DPYSL2: variants seen among roughly 807,000 people sequenced by gnomAD.
DPYSL2 encodes the protein dihydropyrimidinase like 2.
A neutral mutation model predicts 69.9 loss-of-function variants in DPYSL2; 13 were observed. That is an observed-to-expected ratio of 0.19 (90% CI 0.12 to 0.30). DPYSL2 has a LOEUF of 0.30. Among genes scored for constraint, DPYSL2 ranks in the 10% least tolerant of loss-of-function variants. The pLI is 1.00. For synonymous variants in DPYSL2, 326 were observed against 359.1 expected (o/e 0.91, Z 1.04); for missense variants, 587 against 918.9 (o/e 0.64, Z 4.67).
At chr8:26,579,835 A>G (rs1047575769) in intron 1 of DPYSL2, among the ~76,000 whole-genome samples, 14 of 152,044 alleles carry the variant, frequency 9.2e-5, no homozygotes, top group African/African-American at 3.4e-4. Context: ...GCAAGCCTCA[A>G]ATAATTTGCT....
intron 3 of DPYSL2, among the ~76,000 whole-genome samples, chr8:26,613,497 A>G (rs928030705): frequency 2.6e-5 from 4 of 152,246 alleles, no homozygotes; most frequent in African/African-American, 7.2e-5. Context: ...CCTGGCAGGT[A>G]CAGTCACCAG....
Position 26,564,307 on chromosome 8 carries a change from G to T in DPYSL2, c.355-17662G>T, listed in dbSNP as rs1297611352. Among the ~76,000 whole-genome samples the T allele has an allele frequency of 6.6e-6, 1 of 152,186 alleles. No individual in the cohort carries two copies. Among genetic ancestry groups the T allele is most frequent in the African/African-American group, 2.4e-5 (1 of 41,442 alleles). Reference sequence around the variant, plus strand: ...GGAGTGTACGCTACCCATTCCTGAAGCTTAACCATGTAGGAACAGCAAGGC... The same window carrying T: ...GGAGTGTACGCTACCCATTCCTGAATCTTAACCATGTAGGAACAGCAAGGC... On this transcript the variant is annotated intron_variant, in intron 1 of 13. Coordinates refer to ENST00000521913, the MANE Select transcript of DPYSL2 (RefSeq NM_001197293.3). The surrounding 1 kb of genome is among the most constrained non-coding windows in gnomAD (Gnocchi z 4.8).
chr8:26,654,577 CT>C lies in DPYSL2; in HGVS notation c.1943-1037del, dbSNP rs1173757014. On this transcript the variant is annotated intron_variant, in intron 13 of 13. Transcript: ENST00000521913. This position sits in a 1 kb window ranked among gnomAD's most constrained non-coding sequence, Gnocchi z 5.0. Reference sequence around the variant, plus strand: ...GTCTGTGTTTTCTGATCTCTCAAAGCTGTTCCAATATAAGGTGCCATCGTTC... The same window carrying C: ...GTCTGTGTTTTCTGATCTCTCAAAGCGTTCCAATATAAGGTGCCATCGTTC... Among the ~76,000 whole-genome samples, 5 of 152,256 alleles carry C rather than the reference CT, an allele frequency of 3.3e-5. No individual in the cohort carries two copies. The highest frequency in any genetic ancestry group is 1.2e-4 in the African/African-American group (5 of 41,546).
At chr8:26,561,446 C>A (rs1009130825) in intron 1 of DPYSL2, among the ~76,000 whole-genome samples, 1 of 152,088 alleles carries the variant, frequency 6.6e-6, no homozygotes, top group African/African-American at 2.4e-5. Flanking sequence ...CACTTGAGTG[C>A]CTTATTATTT....
Position 26,587,958 on chromosome 8 carries a change from C to G in DPYSL2, c.628+3975C>G, listed in dbSNP as rs1801642077. 6.6e-6 allele frequency among the ~76,000 whole-genome samples: 1 copy of G among 152,186 alleles called. No homozygotes were observed. The highest frequency in any genetic ancestry group is 1.5e-5 in the Non-Finnish European group (1 of 68,034). ...TACCCTGTGCGTCGGTGCAGGTGGC[C>G]AGGTGTGGAACATACACCTGTAGCT... On this transcript the variant is annotated intron_variant, in intron 3 of 13. Transcript: ENST00000521913. The surrounding 1 kb of genome is among the most constrained non-coding windows in gnomAD (Gnocchi z 4.2).
At chr8:26,576,936 C>A (rs1031807730) in intron 1 of DPYSL2, 3 of 288,706 alleles carry the variant, frequency 1.0e-5, no homozygotes, top group Admixed American at 5.6e-5. Flanking sequence ...ACGCACCCCT[C>A]AGGGAGCCGA....
intron 1 of DPYSL2, among the ~76,000 whole-genome samples, chr8:26,569,451 G>A (rs1438876241): frequency 6.6e-6 from 1 of 152,048 alleles, no homozygotes; most frequent in South Asian, 2.1e-4. Context: ...TATCTGGGAG[G>A]CAACAGGTGG....
intron 1 of DPYSL2, among the ~76,000 whole-genome samples, chr8:26,542,853 G>A (rs1800707745): frequency 6.6e-6 from 1 of 152,178 alleles, no homozygotes; most frequent in South Asian, 2.1e-4. Flanking sequence ...TCCTGTGTGT[G>A]TTTAGACACA....
In DPYSL2 at chr8:26,597,569, G is replaced by A. The variant is rs537823804; in HGVS notation, c.628+13586G>A. On this transcript the variant is annotated intron_variant, in intron 3 of 13. Coordinates refer to ENST00000521913, the MANE Select transcript of DPYSL2 (RefSeq NM_001197293.3). The surrounding 1 kb of genome is among the most constrained non-coding windows in gnomAD (Gnocchi z 5.2). ...AGCTCACTGCAAGCTCCGCCTCCCAGGTTCACGCCATTCTCCTGCCTCAGC... is the reference window on the plus strand; with the variant it reads ...AGCTCACTGCAAGCTCCGCCTCCCAAGTTCACGCCATTCTCCTGCCTCAGC... Among the ~76,000 whole-genome samples, 1 of 152,168 alleles carries A rather than the reference G, an allele frequency of 6.6e-6. No individual in the cohort carries two copies. The highest frequency in any genetic ancestry group is 2.1e-4 in the South Asian group (1 of 4,826).
At chr8:26,583,717 A>T in intron 2 of DPYSL2, 82 bp from the exon 3 acceptor site, 1 of 1,300,576 alleles carries the variant, frequency 7.7e-7, no homozygotes, top group Non-Finnish European at 1.1e-6. Flanking sequence ...AGGATAGTTT[A>T]TAGGTTAGTG....
intron 1 of DPYSL2, among the ~76,000 whole-genome samples, chr8:26,569,255 G>C (rs1020951532): frequency 6.6e-6 from 1 of 151,742 alleles, no homozygotes; most frequent in South Asian, 2.1e-4. Context: ...TTATGTGGGA[G>C]GCTGAGGCAG....
chr8:26,538,331 A>T (rs1800628525), intron 1 of DPYSL2, among the ~76,000 whole-genome samples: 1 of 152,192 alleles, frequency 6.6e-6, no homozygotes, highest in Non-Finnish European at 1.5e-5. Context: ...ACAATAAAGG[A>T]ACTATAGTAA....
At chr8:26,612,553 G>A (rs933269378) in intron 3 of DPYSL2, among the ~76,000 whole-genome samples, 3 of 152,166 alleles carry the variant, frequency 2.0e-5, no homozygotes, top group African/African-American at 4.8e-5. Flanking sequence ...AAAACTCCAT[G>A]ATTAAAAATG....
chr8:26,558,448 A>G (rs531024348), intron 1 of DPYSL2, among the ~76,000 whole-genome samples: 4 of 152,326 alleles, frequency 2.6e-5, no homozygotes, highest in Admixed American at 1.3e-4. Context: ...GAAGAGAGCA[A>G]TAGTAGGTAG....
Position 26,626,551 on chromosome 8 carries a change from C to T in DPYSL2, c.794-66C>T, listed in dbSNP as rs1802618610. 6.9e-7 allele frequency: 1 copy of T among 1,452,314 alleles called. No individual in the cohort carries two copies. The allele number at this position is 1,452,314 out of a possible 1,614,324, so 90.0% of individuals were successfully genotyped here. ...CACACACAGACAGTATTATCACTTTCTTATCCCTTATTTGGTTATTTGGTT... is the reference window on the plus strand; with the variant it reads ...CACACACAGACAGTATTATCACTTTTTTATCCCTTATTTGGTTATTTGGTT... On this transcript the variant is annotated intron_variant, in intron 4 of 13. Transcript: ENST00000521913. This position sits in a 1 kb window ranked among gnomAD's most constrained non-coding sequence, Gnocchi z 4.3.
rs1801470387 is a variant in DPYSL2, at chr8:26,580,609, A to G, written c.355-1360A>G. On this transcript the variant is annotated intron_variant, in intron 1 of 13. Transcript: ENST00000521913. The surrounding 1 kb of genome is among the most constrained non-coding windows in gnomAD (Gnocchi z 4.1). ...CAAGGTGTGTGTATTTATGTGTAAA[A>G]TTATCTTTTTTCCTTGCTCTCTAGT... Among the ~76,000 whole-genome samples, 1 of 152,182 alleles carries G rather than the reference A, an allele frequency of 6.6e-6. No homozygotes were observed. Among genetic ancestry groups the G allele is most frequent in the Non-Finnish European group, 1.5e-5 (1 of 68,034 alleles).
At chr8:26,629,666 A>G (rs1452541763) in intron 7 of DPYSL2, among the ~76,000 whole-genome samples, 1 of 152,254 alleles carries the variant, frequency 6.6e-6, no homozygotes, top group Admixed American at 6.5e-5. Context: ...TGGCTGGTGG[A>G]CAGTGATTGC....
chr8:26,529,276 C>CATCT (rs1554531947), intron 1 of DPYSL2, among the ~76,000 whole-genome samples: 126 of 136,372 alleles, frequency 9.2e-4, no homozygotes, highest in African/African-American at 2.2e-3. Flanking sequence ...ATCTATCTAT[C>CATCT]ATCTATCTAT....
At chr8:26,555,100 G>A (rs1467568981) in intron 1 of DPYSL2, among the ~76,000 whole-genome samples, 1 of 151,836 alleles carries the variant, frequency 6.6e-6, no homozygotes, top group Non-Finnish European at 1.5e-5. Flanking sequence ...TAAGTATATA[G>A]GGAAACTTTC....
Sources: gnomAD v4.1 joint callset for allele counts (sites outside exome capture counted in the v4.1 genomes callset) on GRCh38, gnomAD v4.1.1 for gene constraint, Gnocchi (gnomAD v3.1) non-coding constraint, MANE v1.5 for transcripts, NCBI Gene and HGNC (gene_info 2026-07-23, HGNC 2026-07-21) for gene names.